The following NINL variants were observed in gnomAD, a reference collection of about 807,000 sequenced individuals.
NINL encodes ninein like.
NINL carries 153 observed loss-of-function variants against 160.3 expected under a neutral mutation model. That is an observed-to-expected ratio of 0.95 (90% CI 0.84 to 1.09). NINL has a LOEUF of 1.09. NINL is among the 50% of genes least tolerant of loss of function. NINL has a pLI of 0.00. For missense variants in NINL, 1,829 were observed against 1,764.0 expected, an observed-to-expected ratio of 1.04 and a Z score of -0.66; for synonymous variants, 800 against 734.8, an observed-to-expected ratio of 1.09 and a Z score of -1.43.
intron 1 of NINL, among the ~76,000 whole-genome samples, chr20:25,531,425 TATTGACTGGG>T (rs1402314883): frequency 2.6e-4 from 39 of 152,158 alleles, no homozygotes; most frequent in African/African-American, 8.9e-4. Context: ...ATCACAAGGG[TATTGACTGGG>T]GAAGTGATAA....
chr20:25,544,905 G>C (rs191445818), intron 1 of NINL, among the ~76,000 whole-genome samples: 26 of 152,346 alleles, frequency 1.7e-4, no homozygotes, highest in African/African-American at 6.0e-4. Context: ...CTGTCTTCAA[G>C]CTGCATTTGT....
intron 1 of NINL, among the ~76,000 whole-genome samples, chr20:25,544,278 T>A (rs1386194412): frequency 6.6e-6 from 1 of 151,996 alleles, no homozygotes; most frequent in Non-Finnish European, 1.5e-5. Flanking sequence ...CATAATAGGA[T>A]AAAAGAGGTG....
intron 8 of NINL, among the ~76,000 whole-genome samples, chr20:25,499,989 T>C (rs1470287561): frequency 7.0e-6 from 1 of 142,932 alleles, no homozygotes; most frequent in Non-Finnish European, 1.5e-5. Flanking sequence ...AGAATGTATA[T>C]ATACATCTCT....
intron 8 of NINL, among the ~76,000 whole-genome samples, chr20:25,500,050 G>A (rs1452761281): frequency 6.6e-6 from 1 of 151,044 alleles, no homozygotes; most frequent in African/African-American, 2.4e-5. Flanking sequence ...AACAGCTGTC[G>A]CCCCCTCCAG....
At chr20:25,533,690 C>T (rs1227204877) in intron 1 of NINL, among the ~76,000 whole-genome samples, 4 of 152,178 alleles carry the variant, frequency 2.6e-5, no homozygotes, top group Non-Finnish European at 5.9e-5. Flanking sequence ...AAGACTGTCT[C>T]TCCAATAAAT....
chr20:25,479,895 G>C (rs778813969), intron 15 of NINL, among the ~76,000 whole-genome samples: 5 of 152,226 alleles, frequency 3.3e-5, no homozygotes, highest in Middle Eastern at 6.3e-3. Context: ...GCGCTGCGCT[G>C]CCTCAAGTAT....
At chr20:25,499,228 C>T in intron 8 of NINL, 5 of 985,332 alleles carry the variant, frequency 5.1e-6, no homozygotes, top group African/African-American at 1.7e-5. Flanking sequence ...GAAAGCTGTC[C>T]CTACACAAGC....
chr20:25,504,922 C>T lies in NINL; in HGVS notation c.674G>A (p.Cys225Tyr). 6.2e-7 allele frequency: 1 copy of T among 1,612,134 alleles called. No individual in the cohort carries two copies. The highest frequency in any genetic ancestry group is 8.5e-7 in the Non-Finnish European group (1 of 1,179,972). Reference sequence around the variant, plus strand: ...GAGTCCCTGGAGCCCGACGCTCTGGCAGACCACAGCCAGCTCCTGCTCGCT... The same window carrying T: ...GAGTCCCTGGAGCCCGACGCTCTGGTAGACCACAGCCAGCTCCTGCTCGCT... ...HLSEQELAVV[C>Y]QSVGLQGLEK... Residue 225 changes from cysteine (C) to tyrosine (Y), a missense_variant, in exon 6 of 24, where the codon TGC becomes TAC. By Grantham distance (194) the Cys-to-Tyr change is radical. Transcript: ENST00000278886.
intron 1 of NINL, among the ~76,000 whole-genome samples, chr20:25,585,167 C>T (rs2065214673): frequency 6.6e-6 from 1 of 152,194 alleles, no homozygotes; most frequent in Non-Finnish European, 1.5e-5. Flanking sequence ...GGCCCTCGTT[C>T]GCACGGCGCC....
At chr20:25,531,301 A>G (rs946636913) in intron 1 of NINL, among the ~76,000 whole-genome samples, 8 of 152,138 alleles carry the variant, frequency 5.3e-5, no homozygotes, top group Non-Finnish European at 1.0e-4. Context: ...ATGCTCTACA[A>G]ACAATTTGTG....
At chr20:25,478,067 G>T (rs2063304790) in intron 16 of NINL, among the ~76,000 whole-genome samples, 1 of 151,706 alleles carries the variant, frequency 6.6e-6, no homozygotes, top group Admixed American at 6.6e-5. Flanking sequence ...TCCTGCCTCA[G>T]CTTCCCGAGT....
intron 8 of NINL, among the ~76,000 whole-genome samples, chr20:25,499,696 G>C (rs897660421): frequency 6.6e-6 from 1 of 152,094 alleles, no homozygotes; most frequent in Non-Finnish European, 1.5e-5. Context: ...GGTCTGTGGA[G>C]TAGGGTGGAC....
intron 1 of NINL, among the ~76,000 whole-genome samples, chr20:25,537,500 C>G (rs2064579736): frequency 6.6e-6 from 1 of 152,254 alleles, no homozygotes; most frequent in Admixed American, 6.5e-5. Flanking sequence ...CCCAGCAGTG[C>G]TCCTGGGGAG....
chr20:25,581,993 C>T (rs567661437), intron 1 of NINL, among the ~76,000 whole-genome samples: 2 of 152,344 alleles, frequency 1.3e-5, no homozygotes, highest in South Asian at 2.1e-4. Context: ...CGTGGTGGCT[C>T]ACGCCTGTAA....
intron 13 of NINL, among the ~76,000 whole-genome samples, chr20:25,484,865 T>C (rs1302040589): frequency 2.6e-5 from 4 of 152,166 alleles, no homozygotes; most frequent in African/African-American, 9.7e-5. Context: ...GACTGTGTAA[T>C]ATTAATAGTT....
At chr20:25,518,353 G>A (rs1449781423) in intron 2 of NINL, among the ~76,000 whole-genome samples, 2 of 152,142 alleles carry the variant, frequency 1.3e-5, no homozygotes, top group Non-Finnish European at 2.9e-5. Flanking sequence ...CCTGAGGAGG[G>A]GATTGCTGGG....
In NINL at chr20:25,538,591, G is replaced by A. The variant is rs59826126; in HGVS notation, c.-11-11993C>T. 6.5e-3 allele frequency among the ~76,000 whole-genome samples: 995 copies of A among 152,284 alleles called. 16 individuals are homozygous for A. Among genetic ancestry groups the A allele is most frequent in the African/African-American group, 0.023 (953 of 41,558 alleles). On this transcript the variant is annotated intron_variant, in intron 1 of 23. Coordinates refer to ENST00000278886, the MANE Select transcript of NINL (RefSeq NM_025176.6). ...TATGTGGCTGGCCAACCATGGCATG[G>A]CCTCTGCTCCCAGGCATGGACATGG...
At chr20:25,579,296 G>A (rs981880400) in intron 1 of NINL, among the ~76,000 whole-genome samples, 5 of 151,994 alleles carry the variant, frequency 3.3e-5, no homozygotes, top group Non-Finnish European at 5.9e-5. Context: ...TGTGAGATGG[G>A]GGCAACAGTA....
intron 1 of NINL, among the ~76,000 whole-genome samples, chr20:25,530,048 T>G (rs139543437): frequency 6.6e-6 from 1 of 152,200 alleles, no homozygotes; most frequent in African/African-American, 2.4e-5. Flanking sequence ...AAATCTGTTT[T>G]GAAAATTCCT....
Sources: gnomAD v4.1 joint callset for allele counts (sites outside exome capture counted in the v4.1 genomes callset) on GRCh38, gnomAD v4.1.1 for gene constraint, MANE v1.5 for transcripts, NCBI Gene and HGNC (gene_info 2026-07-23, HGNC 2026-07-21) for gene names.